SLC36A1: variants seen among roughly 807,000 people sequenced by gnomAD.
SLC36A1 encodes proton-coupled amino acid transporter 1.
SLC36A1 carries 30 observed loss-of-function variants against 47.5 expected under a neutral mutation model. The ratio of observed to expected loss-of-function variants is 0.63; its 90% CI spans 0.47 to 0.86. SLC36A1 has a LOEUF of 0.86. Among genes scored for constraint, SLC36A1 ranks in the 40% least tolerant of loss-of-function variants. The probability of loss-of-function intolerance (pLI) is 0.00; values close to 1 mark genes in which losing one functional copy is unlikely to be tolerated. For missense variants in SLC36A1, 517 were observed against 606.0 expected (o/e 0.85, Z 1.54); for synonymous variants, 255 against 249.7 (o/e 1.02, Z -0.20).
At chr5:151,484,855 C>CA (rs898426560) in intron 10 of SLC36A1, among the ~76,000 whole-genome samples, 11 of 152,302 alleles carry the variant, frequency 7.2e-5, no homozygotes, top group Admixed American at 3.3e-4. Context: ...CCAGAGCCTA[C>CA]ACCCATTCCT....
At chr5:151,465,263 A>G in intron 5 of SLC36A1, 94 bp downstream of exon 5, 1 of 1,008,284 alleles carries the variant, frequency 9.9e-7, no homozygotes, top group Non-Finnish European at 1.6e-6. Context: ...AAAGCGTGGA[A>G]AGAGTGCTGT....
chr5:151,510,025 C>G, the SLC36A1 span: 1 of 1,613,948 alleles, frequency 6.2e-7, no homozygotes, highest in South Asian at 1.1e-5. Context: ...GATTACCTGT[C>G]TCCTGTGTAA....
the SLC36A1 span, chr5:151,506,177 C>A: frequency 7.0e-7 from 1 of 1,428,986 alleles, no homozygotes. Context: ...CTATATATAA[C>A]CTAGCGAGTG....
At chr5:151,372,111 A>G in the SLC36A1 span, among the ~76,000 whole-genome samples, 177 of 152,272 alleles carry the variant, frequency 1.2e-3, no homozygotes, top group Middle Eastern at 6.8e-3. Context: ...TATTTTTTGG[A>G]ACCCTAGTTT....
chr5:151,467,303 A>AG lies in SLC36A1; in HGVS notation c.504+21dup. On this transcript the variant is annotated intron_variant, in intron 6 of 10. Coordinates refer to ENST00000243389, the MANE Select transcript of SLC36A1 (RefSeq NM_078483.4). ...AAACAGGTAGGCACCTGGTTAAAAA[A>AG]GAAAAAAAAAAAAAAAACCAGAGCG... 7.4e-7 allele frequency: 1 copy of AG among 1,348,988 alleles called. No individual in the cohort carries two copies. The highest frequency in any genetic ancestry group is 1.0e-6 in the Non-Finnish European group (1 of 993,512). 83.6% of individuals were successfully genotyped at this position (1,348,988 alleles called of 1,614,324 possible). A position where few individuals can be genotyped will look rare whatever the true frequency, so the allele number is the denominator to read the frequency against.
chr5:151,501,545 G>A, the SLC36A1 span, among the ~76,000 whole-genome samples: 1 of 148,068 alleles, frequency 6.8e-6, no homozygotes, highest in Non-Finnish European at 1.5e-5. Flanking sequence ...GCCTCCCAAA[G>A]TGCTGGGATT....
upstream of SLC36A1, among the ~76,000 whole-genome samples, chr5:151,435,534 T>G (rs1400367816): frequency 6.6e-6 from 1 of 151,948 alleles, no homozygotes; most frequent in African/African-American, 2.4e-5. Context: ...ATATGTGACA[T>G]TATTATTATA....
intron 7 of SLC36A1, among the ~76,000 whole-genome samples, chr5:151,471,740 C>T (rs926683582): frequency 6.6e-6 from 1 of 152,140 alleles, no homozygotes; most frequent in Non-Finnish European, 1.5e-5. Context: ...AATATTACTG[C>T]TTTGAAATCT....
chr5:151,549,257 C>A, the SLC36A1 span: 3 of 1,593,518 alleles, frequency 1.9e-6, no homozygotes, highest in Non-Finnish European at 2.6e-6. Context: ...TCTAAAGCAT[C>A]TTGACCCATC....
chr5:151,427,472 C>G, the SLC36A1 span, among the ~76,000 whole-genome samples: 1 of 152,188 alleles, frequency 6.6e-6, no homozygotes, highest in Admixed American at 6.5e-5. Context: ...TGTCCTGAGT[C>G]GCAGCTCCCT....
chr5:151,468,266 A>AATATATATATAT (rs1554113501), intron 7 of SLC36A1, among the ~76,000 whole-genome samples: 1 of 63,818 alleles, frequency 1.6e-5, no homozygotes, highest in African/African-American at 8.8e-5. Flanking sequence ...AAAAAAAAAA[A>AATATATATATAT]ATATATATAT....
At chr5:151,541,046 A>G in the SLC36A1 span, among the ~76,000 whole-genome samples, 2 of 152,356 alleles carry the variant, frequency 1.3e-5, no homozygotes, top group South Asian at 4.1e-4. Context: ...CCCAGAAGGC[A>G]TGGGAGGAAG....
the SLC36A1 span, chr5:151,527,402 T>G: frequency 0.058 from 90,162 of 1,563,466 alleles, 3,847 homozygotes; most frequent in African/African-American, 0.22. Flanking sequence ...CCAGTGGAGG[T>G]TAGCAATGAG....
At chr5:151,517,571 C>A in the SLC36A1 span, 1 of 1,610,162 alleles carries the variant, frequency 6.2e-7, no homozygotes, top group Admixed American at 1.7e-5. Flanking sequence ...CCCCTACCTC[C>A]CCAGCCTGGG....
the SLC36A1 span, among the ~76,000 whole-genome samples, chr5:151,522,779 T>C: frequency 1.3e-5 from 2 of 152,054 alleles, no homozygotes; most frequent in East Asian, 3.9e-4. Flanking sequence ...GGGGTAGGAA[T>C]GAAGGCGGTG....
chr5:151,395,718 A>G, the SLC36A1 span, among the ~76,000 whole-genome samples: 4 of 152,240 alleles, frequency 2.6e-5, no homozygotes, highest in Non-Finnish European at 5.9e-5. Context: ...ACATAATGGT[A>G]GATGGGCTGT....
chr5:151,488,514 C>T lies in SLC36A1; in HGVS notation c.*260C>T. On this transcript the variant is annotated 3_prime_UTR_variant, in exon 11 of 11. Coordinates refer to ENST00000243389, the MANE Select transcript of SLC36A1 (RefSeq NM_078483.4). ...TATTTACACCCAGAACTTTCCAGCT[C>T]CCCCTCATCATGCCTCCTCCTTCCT... The T allele has an allele frequency of 4.0e-6, 2 of 499,696 alleles. No homozygotes were observed. The highest frequency in any genetic ancestry group is 3.5e-5 in the Admixed American group (1 of 28,594). 31.0% of individuals were successfully genotyped at this position (499,696 alleles called of 1,614,324 possible).
At chr5:151,378,401 C>T in the SLC36A1 span, 1 of 180,842 alleles carries the variant, frequency 5.5e-6, no homozygotes, top group Non-Finnish European at 1.2e-5. Context: ...AAAATATTGA[C>T]AATTCTCTTC....
chr5:151,417,039 C>T, the SLC36A1 span, among the ~76,000 whole-genome samples: 1 of 152,186 alleles, frequency 6.6e-6, no homozygotes, highest in Non-Finnish European at 1.5e-5. Context: ...TTCCTGAGGC[C>T]TCCCCAACCA....
Sources: allele counts gnomAD v4.1 joint callset (sites outside exome capture counted in the v4.1 genomes callset), GRCh38; gene constraint gnomAD v4.1.1; transcripts MANE v1.5; gene names NCBI Gene and HGNC (gene_info 2026-07-23, HGNC 2026-07-21).